THSD7A: variants seen among roughly 807,000 people sequenced by gnomAD.
THSD7A encodes thrombospondin type 1 domain containing 7A.
THSD7A carries 96 observed loss-of-function variants against 231.3 expected under a neutral mutation model. The observed-to-expected ratio is 0.41, with a 90% CI of 0.35 to 0.49. The LOEUF is 0.49. Among genes scored for constraint, THSD7A ranks in the 20% least tolerant of loss-of-function variants. The probability of loss-of-function intolerance (pLI) is 0.05; values close to 1 mark genes in which losing one functional copy is unlikely to be tolerated. For missense variants in THSD7A, 2,290 were observed against 2,070.2 expected, an observed-to-expected ratio of 1.11 and a Z score of -2.06; for synonymous variants, 940 against 743.3, an observed-to-expected ratio of 1.26 and a Z score of -4.30.
intron 1 of THSD7A, among the ~76,000 whole-genome samples, chr7:11,808,109 G>A (rs1026358891): frequency 3.9e-5 from 6 of 152,002 alleles, no homozygotes; most frequent in African/African-American, 1.5e-4. Context: ...AAGCTGTTCT[G>A]ATTACGCCAG....
chr7:11,739,464 A>G (rs1450802006), intron 1 of THSD7A, among the ~76,000 whole-genome samples: 1 of 152,070 alleles, frequency 6.6e-6, no homozygotes, highest in Non-Finnish European at 1.5e-5. Context: ...AGGGATGAAG[A>G]AAGTGGAAAT....
Position 11,429,125 on chromosome 7 carries a change from C to T in THSD7A, c.3065G>A (p.Gly1022Asp), listed in dbSNP as rs751634111. ...LVETSRCNSHGYIEEACIIPC... is the reference protein window; with the variant it reads ...LVETSRCNSHDYIEEACIIPC... ...GATGATGCAGGCCTCCTCAATGTAACCTGAGTAGAGGAAAATGAGACAAGA... is the reference window on the plus strand; with the variant it reads ...GATGATGCAGGCCTCCTCAATGTAATCTGAGTAGAGGAAAATGAGACAAGA... The change falls in exon 14 of 28, where the codon GGT (glycine) becomes GAT (aspartate). Residue 1022 changes from glycine to aspartate, a missense_variant and splice_region_variant. By Grantham distance (94) the Gly-to-Asp change is moderately conservative. Transcript: ENST00000423059. 2.5e-6 allele frequency: 4 copies of T among 1,573,394 alleles called. No individual in the cohort carries two copies. Among genetic ancestry groups the T allele is most frequent in the Non-Finnish European group, 3.4e-6 (4 of 1,163,812 alleles).
chr7:11,502,884 C>T (rs950669192), intron 6 of THSD7A, among the ~76,000 whole-genome samples: 1 of 152,166 alleles, frequency 6.6e-6, no homozygotes, highest in Non-Finnish European at 1.5e-5. Flanking sequence ...CTGCCCAAAG[C>T]AATTTACAGA....
At chr7:11,463,651 G>A (rs1256256351) in intron 9 of THSD7A, among the ~76,000 whole-genome samples, 4 of 152,120 alleles carry the variant, frequency 2.6e-5, no homozygotes, top group Non-Finnish European at 5.9e-5. Flanking sequence ...GATACTACAG[G>A]TAATGGAGTA....
intron 1 of THSD7A, among the ~76,000 whole-genome samples, chr7:11,749,504 A>C (rs1782429700): frequency 6.6e-6 from 1 of 151,406 alleles, no homozygotes; most frequent in South Asian, 2.1e-4. Context: ...GCCATCACCC[A>C]AATGTGTATG....
chr7:11,384,651 A>T (rs1310220374), intron 23 of THSD7A: 1 of 152,018 alleles, frequency 6.6e-6, no homozygotes, highest in Non-Finnish European at 1.5e-5. Flanking sequence ...TACCTACATA[A>T]GAATTTGTCG....
At chr7:11,387,572 T>C (rs978459967) in intron 23 of THSD7A, among the ~76,000 whole-genome samples, 4 of 152,226 alleles carry the variant, frequency 2.6e-5, no homozygotes, top group African/African-American at 4.8e-5. Context: ...TCCTGAGACT[T>C]TGCTGAAGTT....
At chr7:11,455,463 A>T (rs1785276439) in intron 11 of THSD7A, among the ~76,000 whole-genome samples, 1 of 151,962 alleles carries the variant, frequency 6.6e-6, no homozygotes, top group South Asian at 2.1e-4. Context: ...ATTGGGCAAA[A>T]ATTACTGGTG....
rs897393134 is a variant in THSD7A at position 11,373,815 on chromosome 7, A to G, written c.*1979T>C. 6.6e-6 allele frequency: 1 copy of G among 152,100 alleles called. No individual in the cohort carries two copies. The highest frequency in any genetic ancestry group is 2.4e-5 in the African/African-American group (1 of 41,450). The allele number at this position is 152,100 out of a possible 1,614,324, so 9.4% of individuals were successfully genotyped here. A position where few individuals can be genotyped will look rare whatever the true frequency, so the allele number is the denominator to read the frequency against. On this transcript the variant is annotated 3_prime_UTR_variant, in exon 28 of 28. Coordinates refer to ENST00000423059, the MANE Select transcript of THSD7A (RefSeq NM_015204.3). Reference sequence around the variant, plus strand: ...TACAGGAACACAGCTGTTTAAGATAAAATAGCATGTTAGTTATATTATTTT... The same window carrying G: ...TACAGGAACACAGCTGTTTAAGATAGAATAGCATGTTAGTTATATTATTTT...
At chr7:11,486,027 C>T (rs940577563) in intron 6 of THSD7A, among the ~76,000 whole-genome samples, 5 of 152,172 alleles carry the variant, frequency 3.3e-5, no homozygotes, top group African/African-American at 9.7e-5. Flanking sequence ...AGGCATAAGT[C>T]ATCTGGGAAA....
intron 2 of THSD7A, among the ~76,000 whole-genome samples, chr7:11,614,895 A>G (rs1781054645): frequency 2.0e-5 from 3 of 152,206 alleles, no homozygotes; most frequent in African/African-American, 7.2e-5. Flanking sequence ...GAAGGTGAAT[A>G]TATTTTCCTT....
intron 6 of THSD7A, among the ~76,000 whole-genome samples, chr7:11,516,677 T>C (rs548554325): frequency 1.1e-4 from 16 of 152,316 alleles, no homozygotes; most frequent in African/African-American, 3.8e-4. Context: ...ACAATATAAA[T>C]CTCCATAAAA....
chr7:11,773,985 T>C (rs1020387852), intron 1 of THSD7A, among the ~76,000 whole-genome samples: 1 of 152,082 alleles, frequency 6.6e-6, no homozygotes, highest in Non-Finnish European at 1.5e-5. Context: ...GTTTACCTAA[T>C]AATAATCGGG....
intron 6 of THSD7A, among the ~76,000 whole-genome samples, chr7:11,499,686 C>A (rs10278509): frequency 0.012 from 1,797 of 152,250 alleles, 43 homozygotes; most frequent in African/African-American, 0.041. Flanking sequence ...CAAGTATTAA[C>A]AGCAGAATAA....
intron 1 of THSD7A, among the ~76,000 whole-genome samples, chr7:11,771,923 C>G (rs542270848): frequency 6.6e-6 from 1 of 152,136 alleles, no homozygotes; most frequent in Admixed American, 6.5e-5. Context: ...CTTGCTCCTA[C>G]TCTGGCCGTG....
intron 1 of THSD7A, among the ~76,000 whole-genome samples, chr7:11,730,814 T>TA (rs1304139228): frequency 1.3e-5 from 2 of 151,630 alleles, no homozygotes; most frequent in Non-Finnish European, 3.0e-5. Flanking sequence ...GAGATTCACT[T>TA]AATCCACTGA....
chr7:11,768,737 T>G (rs1331509573), intron 1 of THSD7A, among the ~76,000 whole-genome samples: 1 of 152,136 alleles, frequency 6.6e-6, no homozygotes, highest in Non-Finnish European at 1.5e-5. Context: ...GGACAATTTA[T>G]TCTACGTTGT....
At chr7:11,803,081 G>A (rs1490512815) in intron 1 of THSD7A, among the ~76,000 whole-genome samples, 1 of 152,074 alleles carries the variant, frequency 6.6e-6, no homozygotes, top group South Asian at 2.1e-4. Context: ...GGTAGGGAGA[G>A]GACAGTAAAT....
chr7:11,798,135 C>G (rs10239072), intron 1 of THSD7A, among the ~76,000 whole-genome samples: 46,596 of 151,912 alleles, frequency 0.31, 10,428 homozygotes, highest in African/African-American at 0.63. Context: ...AGACAGAAGA[C>G]AGCATGATTA....
Sources: allele counts gnomAD v4.1 joint callset (sites outside exome capture counted in the v4.1 genomes callset), GRCh38; gene constraint gnomAD v4.1.1; transcripts MANE v1.5; gene names NCBI Gene and HGNC (gene_info 2026-07-23, HGNC 2026-07-21).